The following DCDC2 variants were observed in gnomAD, a reference collection of about 807,000 sequenced individuals.
DCDC2 encodes doublecortin domain containing 2, also known as doublecortin domain-containing protein 2.
In DCDC2, 40 loss-of-function variants were observed where a neutral mutation model predicts 50.2. The observed-to-expected ratio is 0.80, with a 90% CI of 0.62 to 1.04. The LOEUF is 1.04. Among genes scored for constraint, DCDC2 ranks in the 50% least tolerant of loss-of-function variants. DCDC2 has a pLI of 0.00. For missense variants in DCDC2, 570 were observed against 581.9 expected (o/e 0.98, Z 0.21); for synonymous variants, 234 against 210.6 (o/e 1.11, Z -0.96).
intron 7 of DCDC2, among the ~76,000 whole-genome samples, chr6:24,252,771 T>C (rs1020251062): frequency 2.5e-4 from 38 of 152,280 alleles, no homozygotes; most frequent in Non-Finnish European, 2.1e-4. Context: ...ACCTCTGGAA[T>C]TGTTACCAAA....
intron 2 of DCDC2, among the ~76,000 whole-genome samples, chr6:24,352,530 T>C (rs539844524): frequency 6.6e-6 from 1 of 152,336 alleles, no homozygotes; most frequent in Non-Finnish European, 1.5e-5. Flanking sequence ...AAATATTAAT[T>C]ATGTTAAATG....
intron 7 of DCDC2, among the ~76,000 whole-genome samples, chr6:24,232,036 C>T (rs1425424590): frequency 6.7e-6 from 1 of 149,734 alleles, no homozygotes; most frequent in Middle Eastern, 3.2e-3. Context: ...CACATACACA[C>T]ATACATACAT....
chr6:24,256,777 T>C (rs555478558), intron 7 of DCDC2, among the ~76,000 whole-genome samples: 1 of 152,306 alleles, frequency 6.6e-6, no homozygotes, highest in South Asian at 2.1e-4. Context: ...GAAAATCCGA[T>C]ATCATGTAGA....
intron 7 of DCDC2, among the ~76,000 whole-genome samples, chr6:24,250,846 C>G (rs891953772): frequency 6.6e-6 from 1 of 152,038 alleles, no homozygotes; most frequent in Non-Finnish European, 1.5e-5. Context: ...CACTTTCAAA[C>G]AGCATTTGAG....
intron 2 of DCDC2, among the ~76,000 whole-genome samples, chr6:24,339,097 T>A (rs1394904279): frequency 2.0e-5 from 3 of 152,162 alleles, no homozygotes; most frequent in Non-Finnish European, 4.4e-5. Context: ...CACATGTATG[T>A]TTCTCAAATG....
chr6:24,238,541 C>A (rs767415923), intron 7 of DCDC2, among the ~76,000 whole-genome samples: 1 of 151,888 alleles, frequency 6.6e-6, no homozygotes, highest in African/African-American at 2.4e-5. Context: ...TCAGGTGATC[C>A]GCCCACCTCA....
At chr6:24,300,447 T>C (rs1759347810) in intron 4 of DCDC2, among the ~76,000 whole-genome samples, 2 of 152,152 alleles carry the variant, frequency 1.3e-5, no homozygotes. Flanking sequence ...TCCGGGATGA[T>C]GCTGAAAAGT....
chr6:24,320,389 T>C (rs557620969), intron 2 of DCDC2, among the ~76,000 whole-genome samples: 132 of 152,314 alleles, frequency 8.7e-4, no homozygotes, highest in Non-Finnish European at 1.6e-3. Context: ...TGGAATGCAG[T>C]GGTACAATCT....
chr6:24,381,980 G>GAAGA, the DCDC2 span, among the ~76,000 whole-genome samples: 8 of 135,452 alleles, frequency 5.9e-5, no homozygotes, highest in African/African-American at 2.4e-4. Flanking sequence ...AGGAAGGAAG[G>GAAGA]AAGGAAGGAA....
At chr6:24,216,728 T>C (rs181826409) in intron 7 of DCDC2, among the ~76,000 whole-genome samples, 346 of 152,390 alleles carry the variant, frequency 2.3e-3, no homozygotes, top group Non-Finnish European at 3.4e-3. Flanking sequence ...TGCACAAGCA[T>C]GTCTCATGAA....
chr6:24,273,743 T>C (rs1458856035), intron 7 of DCDC2, among the ~76,000 whole-genome samples: 1 of 152,198 alleles, frequency 6.6e-6, no homozygotes, highest in Non-Finnish European at 1.5e-5. Context: ...GCCTCATAAC[T>C]CTGAGGATGA....
At chr6:24,274,605 CAAAAAAAAAAAAAA>C (rs61569208) in intron 7 of DCDC2, among the ~76,000 whole-genome samples, 5 of 82,404 alleles carry the variant, frequency 6.1e-5, no homozygotes, top group African/African-American at 1.8e-4. Context: ...GAAACAGAGT[CAAAAAAAAAAAAAA>C]AAAAAAAAAA....
upstream of DCDC2, among the ~76,000 whole-genome samples, chr6:24,359,346 A>T (rs1439251430): frequency 4.9e-5 from 3 of 60,964 alleles, no homozygotes; most frequent in African/African-American, 1.7e-4. Flanking sequence ...TATATATTAT[A>T]TATATTTTAT....
At chr6:24,377,446 TTAAC>T in the DCDC2 span, among the ~76,000 whole-genome samples, 1 of 152,218 alleles carries the variant, frequency 6.6e-6, no homozygotes, top group Admixed American at 6.5e-5. Flanking sequence ...TTTAAGCCTT[TTAAC>T]TAAGTAAACA....
Position 24,301,794 on chromosome 6 carries a change from T to C in DCDC2, c.478A>G (p.Arg160Gly), listed in dbSNP as rs201204772. 1.2e-6 allele frequency: 2 copies of C among 1,614,080 alleles called. No individual in the cohort carries two copies. Among genetic ancestry groups the C allele is most frequent in the African/African-American group, 1.3e-5 (1 of 74,926 alleles). The change falls in exon 4 of 10, where the codon AGA becomes GGA. Residue 160 changes from arginine to glycine, a missense_variant. Coordinates refer to ENST00000378454, the MANE Select transcript of DCDC2 (RefSeq NM_016356.5). ...TGATCCCACTGATTCAAGGTTTTTC[T>C]GGGGATAAGGAGGCGAGAAGCTGGG... ...INPASRLLIP[R>G]KTLNQWDHVL...
At chr6:24,308,758 T>C (rs958707098) in intron 2 of DCDC2, among the ~76,000 whole-genome samples, 3 of 151,936 alleles carry the variant, frequency 2.0e-5, no homozygotes, top group Non-Finnish European at 4.4e-5. Context: ...AAAAGAAAAT[T>C]CTAGAACTAA....
intron 2 of DCDC2, among the ~76,000 whole-genome samples, chr6:24,317,963 T>C (rs1759702353): frequency 6.6e-6 from 1 of 151,918 alleles, no homozygotes; most frequent in South Asian, 2.1e-4. Context: ...ATTTCTCACC[T>C]ACTAGATGGC....
intron 6 of DCDC2, among the ~76,000 whole-genome samples, chr6:24,286,353 G>A (rs544890318): frequency 1.3e-4 from 20 of 152,232 alleles, no homozygotes; most frequent in South Asian, 2.1e-4. Flanking sequence ...AACACTTTGC[G>A]AGGCCAAGGC....
At chr6:24,365,077 A>G in the DCDC2 span, among the ~76,000 whole-genome samples, 3 of 150,698 alleles carry the variant, frequency 2.0e-5, no homozygotes, top group Admixed American at 6.7e-5. Context: ...GGTGAATTCA[A>G]TTAGTTCTGG....
Sources: allele counts gnomAD v4.1 joint callset (sites outside exome capture counted in the v4.1 genomes callset), GRCh38; gene constraint gnomAD v4.1.1; transcripts MANE v1.5; gene names NCBI Gene and HGNC (gene_info 2026-07-23, HGNC 2026-07-21).